Variants in MAT2B observed in about 807,000 individuals in gnomAD.
The protein encoded by MAT2B is methionine adenosyltransferase 2 subunit beta.
Under a neutral mutation model 36.1 loss-of-function variants are expected in MAT2B, and 16 were observed. The observed-to-expected ratio is 0.44, with a 90% CI of 0.30 to 0.67. The LOEUF is 0.67. MAT2B is among the 30% of genes least tolerant of loss of function. The pLI is 0.09. For synonymous variants in MAT2B, 148 were observed against 136.9 expected (o/e 1.08, Z -0.57); for missense variants, 332 against 398.2 (o/e 0.83, Z 1.42).
Position 163,505,768 on chromosome 5 carries a change from G to C in MAT2B, c.63+19G>C. On this transcript the variant is annotated intron_variant, in intron 1 of 6. Coordinates refer to ENST00000321757, the MANE Select transcript of MAT2B (RefSeq NM_013283.5). The stretch of plus-strand genomic sequence containing the variant: ...GGTGGAGGTGAGGGAGTCGGCCTGG[G>C]CGTCTCCGGTGGGAGCGGGGGCGCC... 1 of 1,263,766 alleles carries C rather than the reference G, an allele frequency of 7.9e-7. No individual in the cohort carries two copies. The highest frequency in any genetic ancestry group is 4.0e-5 in the Admixed American group (1 of 24,966). The allele number at this position is 1,263,766 out of a possible 1,614,324, so 78.3% of individuals were successfully genotyped here.
At chr5:163,514,226 C>G (rs1760095615) in intron 4 of MAT2B, among the ~76,000 whole-genome samples, 1 of 152,082 alleles carries the variant, frequency 6.6e-6, no homozygotes, top group African/African-American at 2.4e-5. Context: ...ACATAGAAAA[C>G]AAGTCAGGTA....
At chr5:163,512,683 T>C in intron 2 of MAT2B, 1 of 454,356 alleles carries the variant, frequency 2.2e-6, no homozygotes, top group Non-Finnish European at 4.4e-6. Flanking sequence ...AAGACTTCTG[T>C]TTTGTTCTTG....
upstream of MAT2B, chr5:163,503,567 G>C (rs948686448): frequency 2.2e-5 from 18 of 809,476 alleles, no homozygotes; most frequent in Admixed American, 1.6e-4. Flanking sequence ...ACATAACCTC[G>C]GGACATGGAA....
rs748204829 is a variant in MAT2B at position 163,518,408 on chromosome 5, G to GT, written c.*46dup. 6.7e-7 allele frequency: 1 copy of GT among 1,502,342 alleles called. No homozygotes were observed. Among genetic ancestry groups the GT allele is most frequent in the Non-Finnish European group, 9.0e-7 (1 of 1,107,348 alleles). The allele number at this position is 1,502,342 out of a possible 1,614,324, so 93.1% of individuals were successfully genotyped here. ...TTTTTTTTTTTAAATGAAAAGTATAGTATGTGGCACTTTTTAAAGAACAAA... is the reference window on the plus strand; with the variant it reads ...TTTTTTTTTTTAAATGAAAAGTATAGTTATGTGGCACTTTTTAAAGAACAAA... On this transcript the variant is annotated 3_prime_UTR_variant, in exon 7 of 7. Transcript: ENST00000321757.
chr5:163,510,395 T>A (rs1304677338), intron 1 of MAT2B, among the ~76,000 whole-genome samples: 1 of 90,274 alleles, frequency 1.1e-5, no homozygotes, highest in Non-Finnish European at 2.0e-5. Context: ...TAGTTTTAGC[T>A]TTTTTTTTTT....
At chr5:163,512,771 C>A in intron 2 of MAT2B, 1 of 427,506 alleles carries the variant, frequency 2.3e-6, no homozygotes, top group South Asian at 1.6e-5. Context: ...CCTCCGCCTC[C>A]CAGGGTTCAA....
At chr5:163,503,276 G>A (rs1362434252), upstream of MAT2B, 2 of 820,440 alleles carry the variant, frequency 2.4e-6, no homozygotes, top group Non-Finnish European at 4.2e-6. Context: ...AAGTGAAGCT[G>A]CTCCTCACGT....
chr5:163,505,438 C>T, upstream of MAT2B: 1 of 978,260 alleles, frequency 1.0e-6, no homozygotes, highest in Non-Finnish European at 1.3e-6. Context: ...CAGGGCCTTT[C>T]TTTTGTGTGT....
At chr5:163,513,142 C>T (rs573907379) in intron 2 of MAT2B, 41 of 172,070 alleles carry the variant, frequency 2.4e-4, no homozygotes, top group Non-Finnish European at 3.0e-4. Flanking sequence ...CATGCCACCA[C>T]GACTGGCTGA....
At chr5:163,505,507 G>C (rs898016243), upstream of MAT2B, 1 of 1,237,624 alleles carries the variant, frequency 8.1e-7, no homozygotes, top group East Asian at 3.2e-5. Context: ...CCTCTTTCTG[G>C]GGCGTCGGCG....
chr5:163,508,921 C>G (rs773797956), intron 1 of MAT2B, among the ~76,000 whole-genome samples: 1 of 152,080 alleles, frequency 6.6e-6, no homozygotes, highest in African/African-American at 2.4e-5. Flanking sequence ...TGTTATAGGC[C>G]GGGCGTACTG....
At position 163,518,294 on chromosome 5, in the gene MAT2B, A is replaced by G. The variant is rs1165240739; in HGVS notation, c.936A>G (p.Arg312=). The change falls in exon 7 of 7, where the codon CGA becomes CGG. Residue 312 remains arginine (R), a synonymous_variant. Coordinates refer to ENST00000321757, the MANE Select transcript of MAT2B (RefSeq NM_013283.5). ...TLGIGQRTPF[R]IGIKESLWPF... is the part of the protein sequence containing the mutation. ...GCATTGGCCAACGAACACCATTTCG[A>G]ATTGGAATCAAAGAATCACTTTGGC... 1.2e-6 allele frequency: 2 copies of G among 1,613,980 alleles called. No homozygotes were observed. The highest frequency in any genetic ancestry group is 1.7e-6 in the Non-Finnish European group (2 of 1,179,892).
intron 1 of MAT2B, among the ~76,000 whole-genome samples, chr5:163,508,638 A>G (rs1345019701): frequency 6.6e-6 from 1 of 151,398 alleles, no homozygotes; most frequent in Non-Finnish European, 1.5e-5. Context: ...TTTTTTTGAG[A>G]TGAAGTCTAG....
rs1214518999 is a variant in MAT2B, at chr5:163,505,746, G to A, written c.60G>A (p.Val20=). 3 of 1,274,126 alleles carry A rather than the reference G, an allele frequency of 2.4e-6. No homozygotes were observed. The highest frequency in any genetic ancestry group is 3.1e-5 in the African/African-American group (2 of 65,338). The allele number at this position is 1,274,126 out of a possible 1,614,324, so 78.9% of individuals were successfully genotyped here. A position where few individuals can be genotyped will look rare whatever the true frequency, so the allele number is the denominator to read the frequency against. The change falls in exon 1 of 7, where the codon GTG becomes GTA. Residue 20 remains valine (V), a synonymous_variant. Coordinates refer to ENST00000321757, the MANE Select transcript of MAT2B (RefSeq NM_013283.5). ...TTGTTCCCGGGAGCTGTCGGCTGGTGGAGGTGAGGGAGTCGGCCTGGGCGT... is the reference window on the plus strand; with the variant it reads ...TTGTTCCCGGGAGCTGTCGGCTGGTAGAGGTGAGGGAGTCGGCCTGGGCGT... ...IHFVPGSCRL[V]EEEVNIPNRR... is the part of the protein sequence containing the mutation.
chr5:163,513,205 T>A (rs1306468864), intron 2 of MAT2B: 1 of 189,460 alleles, frequency 5.3e-6, no homozygotes, highest in Non-Finnish European at 1.1e-5. Flanking sequence ...TGCCTAGTCT[T>A]ATCTTGAACT....
chr5:163,511,981 C>G (rs781633128), intron 1 of MAT2B, 21 bp from the exon 2 acceptor site: 2 of 1,582,704 alleles, frequency 1.3e-6, no homozygotes, highest in Admixed American at 3.4e-5. Context: ...GTAACTCTTT[C>G]TATCCGCCTT....
intron 1 of MAT2B, among the ~76,000 whole-genome samples, chr5:163,506,258 T>C (rs758027805): frequency 2.6e-5 from 4 of 152,200 alleles, no homozygotes; most frequent in African/African-American, 4.8e-5. Context: ...ATACTTGTTA[T>C]TGCCTCATTT....
rs1760104252 is a variant in MAT2B, at chr5:163,514,721, A to AAAACTAC, written c.526+728_526+734dup. On this transcript the variant is annotated intron_variant, in intron 4 of 6. Transcript: ENST00000321757. The stretch of plus-strand genomic sequence containing the variant: ...ACTTAATTTAATGGTCCCCTGCACT[A>AAAACTAC]AAACTACTGCCTTAGACTGTACTAT... 2.6e-5 allele frequency among the ~76,000 whole-genome samples: 4 copies of AAAACTAC among 152,322 alleles called. No homozygotes were observed. The South Asian group carries it at 8.3e-4, about 32-fold the overall frequency.
At chr5:163,518,162 T>G in intron 6 of MAT2B, 31 bp from the exon 7 acceptor site, 1 of 1,540,622 alleles carries the variant, frequency 6.5e-7, no homozygotes, top group African/African-American at 1.4e-5. Context: ...TCACTTACTT[T>G]TGATTTTTTT....
Sources: allele counts gnomAD v4.1 joint callset (sites outside exome capture counted in the v4.1 genomes callset), GRCh38; gene constraint gnomAD v4.1.1; transcripts MANE v1.5; gene names NCBI Gene and HGNC (gene_info 2026-07-23, HGNC 2026-07-21).